The following NEURL1B variants were observed in gnomAD, a reference collection of about 807,000 sequenced individuals.
NEURL1B encodes the protein E3 ubiquitin-protein ligase NEURL1B.
NEURL1B carries 13 observed loss-of-function variants against 37.4 expected under a neutral mutation model. That is an observed-to-expected ratio of 0.35 (90% CI 0.23 to 0.55). The LOEUF (loss-of-function observed/expected upper bound fraction) is 0.55, where lower values mean the gene tolerates loss of function less well. Among genes scored for constraint, NEURL1B ranks in the 20% least tolerant of loss-of-function variants. The pLI is 0.89. For missense variants in NEURL1B, 790 were observed against 879.2 expected (o/e 0.90, Z 1.28); for synonymous variants, 432 against 426.6 (o/e 1.01, Z -0.16).
chr5:172,660,770 G>A (rs1003267922), intron 1 of NEURL1B, among the ~76,000 whole-genome samples: 7 of 152,106 alleles, frequency 4.6e-5, no homozygotes, highest in Non-Finnish European at 7.4e-5. Flanking sequence ...CCTCCAAGTA[G>A]CTGGGATTAC....
intron 1 of NEURL1B, among the ~76,000 whole-genome samples, chr5:172,668,778 C>T (rs1758063365): frequency 6.6e-6 from 1 of 152,176 alleles, no homozygotes; most frequent in African/African-American, 2.4e-5. Flanking sequence ...TCCCAGAGCC[C>T]CCCAGGAACC....
intron 1 of NEURL1B, among the ~76,000 whole-genome samples, chr5:172,654,124 A>C (rs1262208941): frequency 6.6e-6 from 1 of 152,150 alleles, no homozygotes. Context: ...CTTTTAGCAA[A>C]TTTTACTTTT....
Position 172,657,747 on chromosome 5 carries a change from T to C in NEURL1B, c.32-12038T>C, listed in dbSNP as rs1432999298. ...TCAGGGCACACTCTGCTCCACCAGC[T>C]TCTTGTGGAAGGCTGGATATTATCC... On this transcript the variant is annotated intron_variant, in intron 1 of 4. Transcript: ENST00000369800. The surrounding 1 kb of genome is among the most constrained non-coding windows in gnomAD (Gnocchi z 4.0). Among the ~76,000 whole-genome samples the C allele has an allele frequency of 6.6e-6, 1 of 152,134 alleles. No homozygotes were observed. The highest frequency in any genetic ancestry group is 1.5e-5 in the Non-Finnish European group (1 of 68,016).
intron 1 of NEURL1B, among the ~76,000 whole-genome samples, chr5:172,643,594 C>T (rs1757507486): frequency 6.6e-6 from 1 of 152,138 alleles, no homozygotes; most frequent in Admixed American, 6.6e-5. Context: ...GAGGACAGAG[C>T]CCTTGTCTTG....
chr5:172,661,592 G>C lies in NEURL1B; in HGVS notation c.32-8193G>C, dbSNP rs550944040. Among the ~76,000 whole-genome samples the C allele has an allele frequency of 3.3e-5, 5 of 152,348 alleles. No individual in the cohort carries two copies. Among genetic ancestry groups the C allele is most frequent in the African/African-American group, 1.2e-4 (5 of 41,584 alleles). On this transcript the variant is annotated intron_variant, in intron 1 of 4. Coordinates refer to ENST00000369800, the MANE Select transcript of NEURL1B (RefSeq NM_001142651.3). This position sits in a 1 kb window ranked among gnomAD's most constrained non-coding sequence, Gnocchi z 4.0. ...AGACATGTACCCACTACATAGCAGA[G>C]GCCCAGTGAAACTCCAGTGTAATCC... is the stretch of plus-strand genomic sequence containing the variant.
At chr5:172,669,337 A>G (rs961765644) in intron 1 of NEURL1B, among the ~76,000 whole-genome samples, 1 of 152,192 alleles carries the variant, frequency 6.6e-6, no homozygotes, top group Non-Finnish European at 1.5e-5. Context: ...TTGCACAGAG[A>G]AAAGCAGCCA....
At position 172,675,026 on chromosome 5, in the gene NEURL1B, C is replaced by T. The variant is rs1287874107; in HGVS notation, c.577+4696C>T. 1.3e-5 allele frequency among the ~76,000 whole-genome samples: 2 copies of T among 152,044 alleles called. No homozygotes were observed. Among genetic ancestry groups the T allele is most frequent in the African/African-American group, 4.8e-5 (2 of 41,388 alleles). ...CTGGGATGACAGGCGCCTGCCACCA[C>T]GCCCGGCTAATTTTTGTATTTTTAG... is the stretch of plus-strand genomic sequence containing the variant. On this transcript the variant is annotated intron_variant, in intron 2 of 4. Coordinates refer to ENST00000369800, the MANE Select transcript of NEURL1B (RefSeq NM_001142651.3). The surrounding 1 kb of genome is among the most constrained non-coding windows in gnomAD (Gnocchi z 4.7).
chr5:172,681,964 T>A (rs1239531293), intron 2 of NEURL1B, among the ~76,000 whole-genome samples: 1 of 152,216 alleles, frequency 6.6e-6, no homozygotes, highest in African/African-American at 2.4e-5. Context: ...TTTCCTGATG[T>A]TGTTGTTATT....
At chr5:172,671,212 C>T (rs1758124527) in intron 2 of NEURL1B, among the ~76,000 whole-genome samples, 1 of 152,118 alleles carries the variant, frequency 6.6e-6, no homozygotes, top group Non-Finnish European at 1.5e-5. Flanking sequence ...CGCTCCAGCC[C>T]CGGCAACCAC....
intron 2 of NEURL1B, among the ~76,000 whole-genome samples, chr5:172,673,437 T>C (rs1758169274): frequency 6.6e-6 from 1 of 152,084 alleles, no homozygotes; most frequent in East Asian, 1.9e-4. Flanking sequence ...AATTCTAGAA[T>C]TGAAAACCCC....
rs1758536630 is a variant in NEURL1B at position 172,687,548 on chromosome 5, G to A, written c.*623G>A. On this transcript the variant is annotated 3_prime_UTR_variant, in exon 5 of 5. Coordinates refer to ENST00000369800, the MANE Select transcript of NEURL1B (RefSeq NM_001142651.3). ...CTCATTGTTTACAGCTCCAAAGCAT[G>A]AACTCCTTGAGGGGAAGGTGGGTGA... The A allele has an allele frequency of 2.6e-5, 4 of 152,654 alleles. No homozygotes were observed. In the South Asian group the frequency reaches 8.3e-4, roughly 32 times the overall value. The allele number at this position is 152,654 out of a possible 1,614,324, so 9.5% of individuals were successfully genotyped here.
intron 1 of NEURL1B, chr5:172,656,649 A>T: frequency 6.3e-7 from 1 of 1,595,920 alleles, no homozygotes; most frequent in Non-Finnish European, 8.5e-7. Context: ...TTCCTCGTCC[A>T]TCTCCTTGGC....
At chr5:172,662,443 T>C (rs968905359) in intron 1 of NEURL1B, among the ~76,000 whole-genome samples, 34 of 152,186 alleles carry the variant, frequency 2.2e-4, no homozygotes, top group Non-Finnish European at 2.1e-4. Context: ...TACCCAGTGG[T>C]TGGACTTGTT....
Position 172,684,091 on chromosome 5 carries a change from C to T in NEURL1B, c.1250C>T (p.Ala417Val). 1 of 1,286,356 alleles carries T rather than the reference C, an allele frequency of 7.8e-7. No individual in the cohort carries two copies. Among genetic ancestry groups the T allele is most frequent in the Non-Finnish European group, 9.8e-7 (1 of 1,016,780 alleles). The allele number at this position is 1,286,356 out of a possible 1,614,324, so 79.7% of individuals were successfully genotyped here. ...LCVDTTQALW[A>V]FFAVRGGVAG... is the part of the protein sequence containing the mutation. ...GTCGACACCACGCAGGCGCTCTGGG[C>T]CTTCTTCGCCGTGCGCGGCGGCGTC... is the stretch of plus-strand genomic sequence containing the variant. The change falls in exon 3 of 5, where the codon GCC (alanine) becomes GTC (valine). Residue 417 changes from alanine (A) to valine (V), a missense_variant. Physicochemically the swap from Ala to Val is moderately conservative, Grantham distance 64. Around this residue, in one of 3 missense-constraint regions of NEURL1B, gnomAD observed 460 missense variants for 407.4 expected, o/e 1.13. Coordinates refer to ENST00000369800, the MANE Select transcript of NEURL1B (RefSeq NM_001142651.3).
intron 1 of NEURL1B, among the ~76,000 whole-genome samples, chr5:172,668,545 T>G (rs577065622): frequency 2.4e-4 from 37 of 152,254 alleles, no homozygotes; most frequent in Admixed American, 9.8e-4. Flanking sequence ...TCAGGATTCA[T>G]CAAACCCCCC....
At position 172,683,613 on chromosome 5, in the gene NEURL1B, G is replaced by T. The variant is rs1758411673; in HGVS notation, c.772G>T (p.Ala258Ser). The T allele has an allele frequency of 2.4e-6, 3 of 1,253,252 alleles. No individual in the cohort carries two copies. Among genetic ancestry groups the T allele is most frequent in the African/African-American group, 1.6e-5 (1 of 61,778 alleles). 77.6% of individuals were successfully genotyped at this position (1,253,252 alleles called of 1,614,324 possible). A position where few individuals can be genotyped will look rare whatever the true frequency, so the allele number is the denominator to read the frequency against. ...GPPPADAAAA[A>S]IPCGPRERPR... ...ACCGCCAGCCGACGCCGCGGCCGCC[G>T]CCATTCCGTGCGGGCCCCGTGAGCG... is the stretch of plus-strand genomic sequence containing the variant. The change falls in exon 3 of 5, where the codon GCC becomes TCC. Residue 258 changes from alanine to serine, a missense_variant. Coordinates refer to ENST00000369800, the MANE Select transcript of NEURL1B (RefSeq NM_001142651.3). The surrounding 1 kb of genome is among the most constrained non-coding windows in gnomAD (Gnocchi z 5.6).
intron 1 of NEURL1B, among the ~76,000 whole-genome samples, chr5:172,642,004 C>T (rs1396371284): frequency 6.6e-6 from 1 of 152,242 alleles, no homozygotes; most frequent in Non-Finnish European, 1.5e-5. Flanking sequence ...TTCGCCCCCT[C>T]GGAGTCGCTG....
chr5:172,679,820 TG>T (rs1465343214), intron 2 of NEURL1B, among the ~76,000 whole-genome samples: 12 of 152,212 alleles, frequency 7.9e-5, no homozygotes. Context: ...CGCAGCCTGT[TG>T]ATCAGTCAGG....
In NEURL1B at chr5:172,688,708, C is replaced by G. The variant is rs1267064765; in HGVS notation, c.*1783C>G. 1 of 152,238 alleles carries G rather than the reference C, an allele frequency of 6.6e-6. No homozygotes were observed. Among genetic ancestry groups the G allele is most frequent in the Non-Finnish European group, 1.5e-5 (1 of 68,050 alleles). 9.4% of individuals were successfully genotyped at this position (152,238 alleles called of 1,614,324 possible). A position where few individuals can be genotyped will look rare whatever the true frequency, so the allele number is the denominator to read the frequency against. ...TTTCCCTAGAAAATCTGGGGAAATT[C>G]CCACATTTTAATTTTGCAGCAGAAT... On this transcript the variant is annotated 3_prime_UTR_variant, in exon 5 of 5. Coordinates refer to ENST00000369800, the MANE Select transcript of NEURL1B (RefSeq NM_001142651.3). This position sits in a 1 kb window ranked among gnomAD's most constrained non-coding sequence, Gnocchi z 4.3.
Sources: allele counts gnomAD v4.1 joint callset (sites outside exome capture counted in the v4.1 genomes callset), GRCh38; gene constraint gnomAD v4.1.1; regional missense constraint gnomAD v4.1.1; non-coding constraint Gnocchi (gnomAD v3.1); transcripts MANE v1.5; gene names NCBI Gene and HGNC (gene_info 2026-07-23, HGNC 2026-07-21).